Variants in MRTFB observed in about 807,000 individuals in gnomAD.
MRTFB encodes the protein myocardin related transcription factor B.
A neutral mutation model predicts 104.2 loss-of-function variants in MRTFB; 29 were observed. That is an observed-to-expected ratio of 0.28 (90% CI 0.21 to 0.38). The LOEUF is 0.38. MRTFB is among the 10% of genes least tolerant of loss of function. The pLI, the probability that MRTFB is intolerant of heterozygous loss-of-function variation, is 1.00. For synonymous variants in MRTFB, 535 were observed against 519.5 expected (o/e 1.03, Z -0.41); for missense variants, 1,270 against 1,341.6 (o/e 0.95, Z 0.83).
At chr16:14,225,670 A>G (rs1248015960) in intron 8 of MRTFB, among the ~76,000 whole-genome samples, 1 of 145,068 alleles carries the variant, frequency 6.9e-6, no homozygotes, top group Non-Finnish European at 1.6e-5. Flanking sequence ...TCATTCATTC[A>G]TTCATTCATT....
chr16:14,070,330 C>T (rs1156572953), upstream of MRTFB, among the ~76,000 whole-genome samples: 2 of 152,190 alleles, frequency 1.3e-5, no homozygotes, highest in Non-Finnish European at 2.9e-5. Context: ...CCTTGATATG[C>T]CCGCAATAAA....
intron 6 of MRTFB, among the ~76,000 whole-genome samples, chr16:14,216,240 A>G (rs1005121898): frequency 6.6e-5 from 10 of 152,206 alleles, no homozygotes; most frequent in Admixed American, 4.6e-4. Flanking sequence ...CTACAGACTA[A>G]AGAATATCAG....
At chr16:14,138,832 T>C (rs575467207) in intron 2 of MRTFB, among the ~76,000 whole-genome samples, 1 of 152,158 alleles carries the variant, frequency 6.6e-6, no homozygotes, top group East Asian at 1.9e-4. Context: ...ATAAAGACAA[T>C]CTTGTCAACA....
chr16:14,084,846 A>G (rs931798443), intron 2 of MRTFB, among the ~76,000 whole-genome samples: 21 of 152,234 alleles, frequency 1.4e-4, no homozygotes, highest in African/African-American at 4.8e-4. Context: ...TATGAAGCAT[A>G]TACCAACTTT....
intron 3 of MRTFB, among the ~76,000 whole-genome samples, chr16:14,160,961 G>T (rs1428872434): frequency 6.6e-6 from 1 of 151,870 alleles, no homozygotes; most frequent in Non-Finnish European, 1.5e-5. Flanking sequence ...CTTGCTGTAA[G>T]AATTTCTGGT....
intron 3 of MRTFB, among the ~76,000 whole-genome samples, chr16:14,209,050 A>G (rs182794384): frequency 1.3e-5 from 2 of 152,318 alleles, no homozygotes; most frequent in Admixed American, 6.5e-5. Flanking sequence ...TTTAAAAGCC[A>G]TGTGACAGCT....
At chr16:14,251,391 A>G (rs911042101) in intron 13 of MRTFB, among the ~76,000 whole-genome samples, 48 of 151,542 alleles carry the variant, frequency 3.2e-4, no homozygotes, top group Non-Finnish European at 6.0e-4. Flanking sequence ...AAAAAAAAAA[A>G]AAAAAAAAGA....
rs768835029 is a variant in MRTFB, at chr16:14,251,958, A to G, written c.2500A>G (p.Ser834Gly). 3.7e-6 allele frequency: 6 copies of G among 1,614,200 alleles called. No individual in the cohort carries two copies. In the South Asian group the frequency reaches 5.5e-5, roughly 15 times the overall value. Residue 834 changes from serine to glycine, a missense_variant, in exon 14 of 17, where the codon AGT becomes GGT. Transcript: ENST00000571589. The stretch of plus-strand genomic sequence containing the variant: ...GCCCTTTATCAATAAGGCCTCCAAC[A>G]GTGTTCTTCAATCCAGAAATGCTCC... Reference protein sequence around the residue: ...QQPFINKASNSVLQSRNAPLP... With the variant: ...QQPFINKASNGVLQSRNAPLP...
At chr16:14,158,138 G>A (rs991718912) in intron 3 of MRTFB, among the ~76,000 whole-genome samples, 20 of 152,124 alleles carry the variant, frequency 1.3e-4, no homozygotes, top group African/African-American at 4.6e-4. Context: ...GTTACCATGT[G>A]TCTTCTCACA....
intron 2 of MRTFB, among the ~76,000 whole-genome samples, chr16:14,097,593 A>G (rs183576006): frequency 6.6e-6 from 1 of 152,374 alleles, no homozygotes; most frequent in African/African-American, 2.4e-5. Flanking sequence ...TATAATTGGC[A>G]TCCAGTAAAC....
chr16:14,179,893 C>T (rs565010392), intron 3 of MRTFB, among the ~76,000 whole-genome samples: 7 of 152,236 alleles, frequency 4.6e-5, no homozygotes, highest in South Asian at 2.1e-4. Flanking sequence ...GAAACTTTAA[C>T]GGCAGCACGA....
At chr16:14,007,451 G>A in the MRTFB span, among the ~76,000 whole-genome samples, 2 of 152,090 alleles carry the variant, frequency 1.3e-5, no homozygotes, top group African/African-American at 4.8e-5. Flanking sequence ...TATGTATAAA[G>A]CACATTTTAT....
At chr16:14,173,782 C>T (rs1010588862) in intron 3 of MRTFB, among the ~76,000 whole-genome samples, 1 of 152,062 alleles carries the variant, frequency 6.6e-6, no homozygotes, top group African/African-American at 2.4e-5. Context: ...TCCTCTTTGT[C>T]ATATACTTTA....
intron 2 of MRTFB, among the ~76,000 whole-genome samples, chr16:14,093,492 T>C (rs973817119): frequency 3.3e-5 from 5 of 152,172 alleles, no homozygotes; most frequent in African/African-American, 9.7e-5. Flanking sequence ...GTCAGTATCT[T>C]AGCAAGTTGT....
chr16:14,118,606 G>A (rs73514931), intron 2 of MRTFB, among the ~76,000 whole-genome samples: 43,869 of 151,174 alleles, frequency 0.29, 13,401 homozygotes, highest in African/African-American at 0.77. Flanking sequence ...GTTCGAGACC[G>A]GTCTGGGCAA....
chr16:14,189,287 G>A (rs1487959018), intron 3 of MRTFB, among the ~76,000 whole-genome samples: 1 of 152,164 alleles, frequency 6.6e-6, no homozygotes, highest in Admixed American at 6.5e-5. Context: ...GTATGTCACT[G>A]ATCCTGCCTG....
chr16:14,147,722 G>C (rs2038389969), intron 3 of MRTFB, among the ~76,000 whole-genome samples: 1 of 152,124 alleles, frequency 6.6e-6, no homozygotes, highest in South Asian at 2.1e-4. Flanking sequence ...ATGAGGGGGT[G>C]GATGAAGCTT....
At chr16:14,106,383 A>G (rs538504316) in intron 2 of MRTFB, among the ~76,000 whole-genome samples, 1 of 152,270 alleles carries the variant, frequency 6.6e-6, no homozygotes, top group East Asian at 1.9e-4. Flanking sequence ...AGAGGTGAGG[A>G]GTTACTTTAA....
the MRTFB span, among the ~76,000 whole-genome samples, chr16:14,003,643 T>TG: frequency 0.029 from 840 of 29,242 alleles, 4 homozygotes; most frequent in South Asian, 0.069. Context: ...CCTGCCTGCC[T>TG]CCCTCCCTCC....
Sources: allele counts gnomAD v4.1 joint callset (sites outside exome capture counted in the v4.1 genomes callset), GRCh38; gene constraint gnomAD v4.1.1; transcripts MANE v1.5; gene names NCBI Gene and HGNC (gene_info 2026-07-23, HGNC 2026-07-21).